Variants in LIMS1 observed in about 807,000 individuals in gnomAD.
LIMS1 encodes LIM zinc finger domain containing 1, also known as LIM and senescent cell antigen-like-containing domain protein 1.
In LIMS1, 18 loss-of-function variants were observed where a neutral mutation model predicts 44.1. The ratio of observed to expected loss-of-function variants is 0.41; its 90% CI spans 0.28 to 0.61. The LOEUF is 0.61. LIMS1 is among the 20% of genes least tolerant of loss of function. The pLI, the probability that LIMS1 is intolerant of heterozygous loss-of-function variation, is 0.32. For missense variants in LIMS1, 201 were observed against 422.0 expected (o/e 0.48, Z 4.59); for synonymous variants, 93 against 149.1 (o/e 0.62, Z 2.74).
At chr2:108,576,495 G>C (rs913219349) in intron 1 of LIMS1, among the ~76,000 whole-genome samples, 1 of 152,134 alleles carries the variant, frequency 6.6e-6, no homozygotes, top group Admixed American at 6.5e-5. Context: ...CTGCCTCCCG[G>C]GTTCAAGCGA....
At chr2:108,612,017 T>TAC (rs1441981587) in intron 1 of LIMS1, among the ~76,000 whole-genome samples, 2 of 68,710 alleles carry the variant, frequency 2.9e-5, no homozygotes, top group Non-Finnish European at 6.2e-5. Context: ...CATATATATA[T>TAC]ACACACACAT....
At chr2:108,593,902 C>G (rs1436003618) in intron 1 of LIMS1, among the ~76,000 whole-genome samples, 3 of 152,128 alleles carry the variant, frequency 2.0e-5, no homozygotes, top group Non-Finnish European at 2.9e-5. Context: ...ATTGTAGAAT[C>G]CTTCAGTCAT....
chr2:108,560,510 T>C (rs1685075587), intron 1 of LIMS1, among the ~76,000 whole-genome samples: 1 of 151,950 alleles, frequency 6.6e-6, no homozygotes, highest in Non-Finnish European at 1.5e-5. Flanking sequence ...TCACCAGCTG[T>C]TCCTACCCAA....
chr2:108,671,970 G>A (rs530368098), intron 3 of LIMS1, among the ~76,000 whole-genome samples: 2 of 152,110 alleles, frequency 1.3e-5, no homozygotes, highest in South Asian at 2.1e-4. Flanking sequence ...ACCTGAGGTC[G>A]GGAATTCGAC....
intron 5 of LIMS1, among the ~76,000 whole-genome samples, chr2:108,675,602 A>G (rs1330965463): frequency 6.6e-6 from 1 of 152,192 alleles, no homozygotes; most frequent in Admixed American, 6.5e-5. Flanking sequence ...TAATGTGATA[A>G]TATAAGAAGG....
intron 1 of LIMS1, among the ~76,000 whole-genome samples, chr2:108,548,472 CTTTG>C (rs2104582030): frequency 6.6e-6 from 1 of 152,268 alleles, no homozygotes; most frequent in South Asian, 2.1e-4. Context: ...ATGAAATGTA[CTTTG>C]TTTTAGACCT....
intron 2 of LIMS1, among the ~76,000 whole-genome samples, chr2:108,667,122 G>A (rs1402491886): frequency 6.6e-6 from 1 of 152,028 alleles, no homozygotes; most frequent in African/African-American, 2.4e-5. Context: ...TTCTGCCTTG[G>A]TCTTTCTGGT....
intron 1 of LIMS1, among the ~76,000 whole-genome samples, chr2:108,615,822 T>A (rs1409851153): frequency 1.3e-5 from 2 of 152,202 alleles, no homozygotes; most frequent in African/African-American, 4.8e-5. Flanking sequence ...GGTCACCTAA[T>A]TCAGCCACTT....
intron 1 of LIMS1, among the ~76,000 whole-genome samples, chr2:108,553,550 G>T (rs1025277147): frequency 6.6e-6 from 1 of 152,222 alleles, no homozygotes; most frequent in Non-Finnish European, 1.5e-5. Context: ...TCTTTCATTA[G>T]AAATAATGAT....
At chr2:108,603,155 GT>G (rs1200742925) in intron 1 of LIMS1, among the ~76,000 whole-genome samples, 1 of 152,168 alleles carries the variant, frequency 6.6e-6, no homozygotes, top group East Asian at 1.9e-4. Context: ...TGTAGAATGA[GT>G]TTGGAAGTAT....
chr2:108,578,184 C>T (rs1423454073), intron 1 of LIMS1, among the ~76,000 whole-genome samples: 1 of 152,246 alleles, frequency 6.6e-6, no homozygotes, highest in Non-Finnish European at 1.5e-5. Flanking sequence ...GCTGGGATTA[C>T]AGGCATGAGC....
At chr2:108,686,431 T>C (rs1283581859) in exon 10 of LIMS1, 2 of 151,906 alleles carry the variant, frequency 1.3e-5, no homozygotes, top group African/African-American at 4.8e-5. Flanking sequence ...CCCTGATAAG[T>C]AGTATCATTG....
intron 1 of LIMS1, among the ~76,000 whole-genome samples, chr2:108,611,326 A>G (rs887770109): frequency 9.2e-5 from 14 of 152,190 alleles, no homozygotes; most frequent in Non-Finnish European, 4.4e-5. Context: ...GAAGCACTCA[A>G]TACATCTAGC....
chr2:108,611,175 C>A (rs1452769948), intron 1 of LIMS1, among the ~76,000 whole-genome samples: 2 of 152,194 alleles, frequency 1.3e-5, no homozygotes, highest in Non-Finnish European at 2.9e-5. Flanking sequence ...TACGTAATAA[C>A]TGTATAGTAA....
chr2:108,575,732 T>G (rs1191767485), intron 1 of LIMS1, among the ~76,000 whole-genome samples: 1 of 152,216 alleles, frequency 6.6e-6, no homozygotes, highest in East Asian at 1.9e-4. Context: ...ATTTTATGTT[T>G]TGATTTGTTA....
chr2:108,535,387 G>A (rs575071096), intron 1 of LIMS1, among the ~76,000 whole-genome samples: 62 of 152,336 alleles, frequency 4.1e-4, no homozygotes, highest in Non-Finnish European at 7.5e-4. Context: ...ACTGTCAGCG[G>A]ACTTTTCACA....
At chr2:108,542,332 C>A (rs1684341904) in intron 1 of LIMS1, among the ~76,000 whole-genome samples, 1 of 152,180 alleles carries the variant, frequency 6.6e-6, no homozygotes, top group African/African-American at 2.4e-5. Flanking sequence ...CTCTTAATTA[C>A]CTACTTCCAC....
chr2:108,612,643 C>CCTG (rs1419836043), intron 1 of LIMS1, among the ~76,000 whole-genome samples: 2 of 152,100 alleles, frequency 1.3e-5, no homozygotes, highest in Non-Finnish European at 2.9e-5. Context: ...CAGGAGAAAA[C>CCTG]CAGCTGAAGA....
intron 2 of LIMS1, chr2:108,662,522 C>G: frequency 2.3e-6 from 3 of 1,306,388 alleles, no homozygotes; most frequent in Non-Finnish European, 2.0e-6. Context: ...TCTGTTGGGT[C>G]CTGAGGAAGA....
Sources: gnomAD v4.1 joint callset for allele counts (sites outside exome capture counted in the v4.1 genomes callset) on GRCh38, gnomAD v4.1.1 for gene constraint, MANE v1.5 for transcripts, NCBI Gene and HGNC (gene_info 2026-07-23, HGNC 2026-07-21) for gene names.